Variants in GALNT1 observed in about 807,000 individuals in gnomAD.
GALNT1 encodes the protein polypeptide N-acetylgalactosaminyltransferase 1.
Under a neutral mutation model 65.7 loss-of-function variants are expected in GALNT1, and 17 were observed. That is an observed-to-expected ratio of 0.26 (90% confidence interval 0.18 to 0.39). The LOEUF (loss-of-function observed/expected upper bound fraction) is 0.39. Ranked by LOEUF, GALNT1 falls within the 10% of genes least tolerant of loss-of-function variation. The pLI, the probability that GALNT1 is intolerant of heterozygous loss-of-function variation, is 1.00. For synonymous variants in GALNT1, 210 were observed against 219.7 expected, an observed-to-expected ratio of 0.96 and a Z score of 0.39; for missense variants, 460 against 672.8, an observed-to-expected ratio of 0.68 and a Z score of 3.50.
intron 1 of GALNT1, among the ~76,000 whole-genome samples, chr18:35,601,982 A>G (rs1397482146): frequency 1.3e-5 from 2 of 152,146 alleles, no homozygotes; most frequent in Non-Finnish European, 2.9e-5. Flanking sequence ...ATACCTTCAA[A>G]TGTTTTGTTT....
rs117767822 is a variant in GALNT1 at position 35,684,189 on chromosome 18, G to C, written c.689+591G>C. Among the ~76,000 whole-genome samples, 868 of 152,292 alleles carry C rather than the reference G, an allele frequency of 5.7e-3. 21 individuals carry two copies. The East Asian group carries it at 0.066, about 12-fold the overall frequency. On this transcript the variant is annotated intron_variant, in intron 5 of 11. Coordinates refer to ENST00000269195, the MANE Select transcript of GALNT1 (RefSeq NM_020474.4). ...GAGAGAACCTGACTTCAGTCTGCTAGACCTATGTTGGTTGAATTTCTGCTT... is the reference window on the plus strand; with the variant it reads ...GAGAGAACCTGACTTCAGTCTGCTACACCTATGTTGGTTGAATTTCTGCTT...
At chr18:35,668,535 T>C (rs1271260842) in intron 3 of GALNT1, among the ~76,000 whole-genome samples, 3 of 152,194 alleles carry the variant, frequency 2.0e-5, no homozygotes, top group Non-Finnish European at 4.4e-5. Context: ...TTTGAAAGAT[T>C]ATATGTAGAT....
At chr18:35,653,676 T>G (rs2144385368) in intron 1 of GALNT1, among the ~76,000 whole-genome samples, 1 of 152,322 alleles carries the variant, frequency 6.6e-6, no homozygotes, top group South Asian at 2.1e-4. Flanking sequence ...TTCATCATGC[T>G]CCAAGATGAA....
At chr18:35,582,863 C>G (rs2046339090) in intron 1 of GALNT1, among the ~76,000 whole-genome samples, 1 of 152,200 alleles carries the variant, frequency 6.6e-6, no homozygotes, top group Non-Finnish European at 1.5e-5. Flanking sequence ...GTGTCCAGAC[C>G]TGGACTGTCC....
chr18:35,647,562 T>C (rs908600515), intron 1 of GALNT1, among the ~76,000 whole-genome samples: 6 of 152,282 alleles, frequency 3.9e-5, no homozygotes. Context: ...TTAAGTCTTT[T>C]AGTTTTCTTG....
intron 1 of GALNT1, chr18:35,596,533 G>C (rs1299293569): frequency 6.6e-6 from 1 of 152,192 alleles, no homozygotes; most frequent in Non-Finnish European, 1.5e-5. Flanking sequence ...GGTTCTTCGT[G>C]AAAGGTCTCC....
chr18:35,653,546 C>T (rs531396225), intron 1 of GALNT1, among the ~76,000 whole-genome samples: 1 of 152,224 alleles, frequency 6.6e-6, no homozygotes, highest in African/African-American at 2.4e-5. Context: ...TTTCCTCACT[C>T]CACTTCATAG....
rs146027566 is a variant in GALNT1 at position 35,610,167 on chromosome 18, T to C, written c.-104+28305T>C. Among the ~76,000 whole-genome samples, 38 of 152,190 alleles carry C rather than the reference T, an allele frequency of 2.5e-4. No individual in the cohort carries two copies. In the East Asian group the frequency reaches 6.4e-3, roughly 26 times the overall value. ...GACGTAATTGGGCAGCTGGGAGTGGTTGGATGTGAATGAAGAGCAGGGCAT... is the reference window on the plus strand; with the variant it reads ...GACGTAATTGGGCAGCTGGGAGTGGCTGGATGTGAATGAAGAGCAGGGCAT... On this transcript the variant is annotated intron_variant, in intron 1 of 11. Coordinates refer to ENST00000269195, the MANE Select transcript of GALNT1 (RefSeq NM_020474.4).
intron 1 of GALNT1, among the ~76,000 whole-genome samples, chr18:35,606,229 A>G (rs539693128): frequency 6.6e-6 from 1 of 152,300 alleles, no homozygotes; most frequent in South Asian, 2.1e-4. Context: ...GAAGTGAGTC[A>G]TGGCATTTCT....
rs1156881905 is a variant in GALNT1, at chr18:35,709,871, C to T, written c.*101C>T. The T allele has an allele frequency of 2.5e-5, 33 of 1,342,010 alleles. No homozygotes were observed. The highest frequency in any genetic ancestry group is 3.3e-5 in the Non-Finnish European group (32 of 977,830). 83.1% of individuals were successfully genotyped at this position (1,342,010 alleles called of 1,614,324 possible). ...AGTAGCAAAAAAGGAAAAGTGCTTT[C>T]CTCCTCTGCAGGATGTAAGGTTTAT... On this transcript the variant is annotated 3_prime_UTR_variant, in exon 12 of 12. Coordinates refer to ENST00000269195, the MANE Select transcript of GALNT1 (RefSeq NM_020474.4).
At chr18:35,602,844 G>C (rs887032792) in intron 1 of GALNT1, among the ~76,000 whole-genome samples, 1 of 152,142 alleles carries the variant, frequency 6.6e-6, no homozygotes, top group Non-Finnish European at 1.5e-5. Context: ...TGTCTGCTTA[G>C]GGTTGGTCTC....
intron 9 of GALNT1, among the ~76,000 whole-genome samples, chr18:35,695,650 G>A (rs1048638643): frequency 6.6e-6 from 1 of 152,116 alleles, no homozygotes; most frequent in Non-Finnish European, 1.5e-5. Flanking sequence ...GGCTACTTCA[G>A]GATTGACTTG....
At chr18:35,622,744 G>C (rs1355172437) in intron 1 of GALNT1, among the ~76,000 whole-genome samples, 1 of 151,824 alleles carries the variant, frequency 6.6e-6, no homozygotes, top group South Asian at 2.1e-4. Context: ...TACTGCGCTA[G>C]ATAGGTTCTC....
At chr18:35,621,987 A>G (rs1459461440) in intron 1 of GALNT1, among the ~76,000 whole-genome samples, 4 of 152,178 alleles carry the variant, frequency 2.6e-5, no homozygotes, top group Non-Finnish European at 4.4e-5. Flanking sequence ...ATATCTTGAT[A>G]TATGGTAGAC....
chr18:35,600,052 T>C (rs1009632114), intron 1 of GALNT1, among the ~76,000 whole-genome samples: 1 of 152,188 alleles, frequency 6.6e-6, no homozygotes, highest in Admixed American at 6.5e-5. Context: ...TCTATTTCTG[T>C]GAAGAATGTC....
chr18:35,677,467 A>G, intron 3 of GALNT1, 124 bp from the exon 4 acceptor site: 1 of 562,418 alleles, frequency 1.8e-6, no homozygotes. Flanking sequence ...TTAAATGAAA[A>G]GGTACCAAGG....
chr18:35,635,050 C>T (rs73946678), intron 1 of GALNT1, among the ~76,000 whole-genome samples: 4 of 152,122 alleles, frequency 2.6e-5, no homozygotes, highest in South Asian at 2.1e-4. Context: ...TCCCAGTTGC[C>T]GCTGATTTTC....
chr18:35,634,885 A>T (rs931230083), intron 1 of GALNT1, among the ~76,000 whole-genome samples: 2 of 152,204 alleles, frequency 1.3e-5, no homozygotes, highest in African/African-American at 4.8e-5. Context: ...TAAGGATAGC[A>T]ATCTTAGGCC....
chr18:35,624,496 T>A (rs535275561), intron 1 of GALNT1, among the ~76,000 whole-genome samples: 3 of 152,130 alleles, frequency 2.0e-5, no homozygotes, highest in Admixed American at 1.3e-4. Context: ...TTTTACTTTT[T>A]AAAAAAAATC....
Sources: gnomAD v4.1 joint callset for allele counts (sites outside exome capture counted in the v4.1 genomes callset) on GRCh38, gnomAD v4.1.1 for gene constraint, MANE v1.5 for transcripts, NCBI Gene and HGNC (gene_info 2026-07-23, HGNC 2026-07-21) for gene names.